Variants in OR6N1 observed in about 807,000 individuals in gnomAD.
The protein encoded by OR6N1 is olfactory receptor 6N1.
For missense variants in OR6N1, 394 were observed against 371.7 expected (o/e 1.06, Z -0.49); for synonymous variants, 170 against 150.7 (o/e 1.13, Z -0.94).
chr1:158,767,728 C>A (rs867932163), intron 1 of OR6N1, among the ~76,000 whole-genome samples: 1 of 152,136 alleles, frequency 6.6e-6, no homozygotes. Context: ...GCCTTAAATT[C>A]TTTCTCTTTA....
chr1:158,798,860 A>C, the OR6N1 span, among the ~76,000 whole-genome samples: 1 of 152,174 alleles, frequency 6.6e-6, no homozygotes, highest in Non-Finnish European at 1.5e-5. Flanking sequence ...CAGCATGGAA[A>C]GCCACAGACC....
chr1:158,778,968 G>C, the OR6N1 span, among the ~76,000 whole-genome samples: 1 of 134,756 alleles, frequency 7.4e-6, no homozygotes, highest in Non-Finnish European at 1.5e-5. Flanking sequence ...GCAGTGAGCC[G>C]AGATCGCGCC....
the OR6N1 span, among the ~76,000 whole-genome samples, chr1:158,838,489 T>C: frequency 2.6e-5 from 4 of 152,094 alleles, no homozygotes; most frequent in African/African-American, 9.7e-5. Context: ...GAGTTGCCTT[T>C]TTCTTGCGCT....
chr1:158,776,599 C>A, upstream of OR6N1: 1 of 717,180 alleles, frequency 1.4e-6, no homozygotes. Context: ...AAATGAAATT[C>A]AGAGCATGTG....
chr1:158,789,355 A>T, the OR6N1 span, among the ~76,000 whole-genome samples: 1 of 152,150 alleles, frequency 6.6e-6, no homozygotes, highest in Non-Finnish European at 1.5e-5. Flanking sequence ...GAATATATAC[A>T]CAGTAGTGGG....
the OR6N1 span, among the ~76,000 whole-genome samples, chr1:158,802,583 T>A: frequency 1.3e-5 from 2 of 152,086 alleles, no homozygotes; most frequent in Admixed American, 1.3e-4. Context: ...AGATTTCTCA[T>A]CCATCCCTAC....
the OR6N1 span, among the ~76,000 whole-genome samples, chr1:158,784,965 C>T: frequency 1.3e-5 from 2 of 152,110 alleles, no homozygotes; most frequent in Non-Finnish European, 2.9e-5. Context: ...TCACAATAGC[C>T]ATGATATAGA....
chr1:158,818,758 C>T, the OR6N1 span, among the ~76,000 whole-genome samples: 1 of 152,166 alleles, frequency 6.6e-6, no homozygotes, highest in Non-Finnish European at 1.5e-5. Flanking sequence ...TTGAACTTCC[C>T]TATCCTTACC....
chr1:158,789,162 G>A, the OR6N1 span, among the ~76,000 whole-genome samples: 1 of 152,082 alleles, frequency 6.6e-6, no homozygotes, highest in South Asian at 2.1e-4. Context: ...CCATGTTGCT[G>A]CAAATGACAA....
chr1:158,789,119 T>C, the OR6N1 span, among the ~76,000 whole-genome samples: 3 of 152,198 alleles, frequency 2.0e-5, no homozygotes, highest in African/African-American at 7.2e-5. Flanking sequence ...ATGCTAGGCT[T>C]CTTTCACTTA....
chr1:158,825,332 G>T, the OR6N1 span, among the ~76,000 whole-genome samples: 1 of 151,906 alleles, frequency 6.6e-6, no homozygotes, highest in Non-Finnish European at 1.5e-5. Flanking sequence ...CCAGCTACTC[G>T]GGAGGCTGAG....
the OR6N1 span, among the ~76,000 whole-genome samples, chr1:158,780,277 C>A: frequency 6.6e-6 from 1 of 152,190 alleles, no homozygotes; most frequent in African/African-American, 2.4e-5. Flanking sequence ...GTTAGCTTTT[C>A]TGAAGCCAAC....
At chr1:158,802,159 T>A in the OR6N1 span, among the ~76,000 whole-genome samples, 1 of 150,832 alleles carries the variant, frequency 6.6e-6, no homozygotes, top group Non-Finnish European at 1.5e-5. Context: ...GGACACTGCC[T>A]CTTCTGGGAC....
At chr1:158,773,760 C>T (rs1275541675), upstream of OR6N1, among the ~76,000 whole-genome samples, 1 of 152,088 alleles carries the variant, frequency 6.6e-6, no homozygotes, top group South Asian at 2.1e-4. Flanking sequence ...CCTAGCACCT[C>T]TTTAAGTGCC....
chr1:158,775,733 A>C (rs1657575425), upstream of OR6N1: 1 of 151,390 alleles, frequency 6.6e-6, no homozygotes. Flanking sequence ...ATTTAAGAAT[A>C]TATTTTGTGA....
At chr1:158,784,646 T>G in the OR6N1 span, among the ~76,000 whole-genome samples, 1 of 152,212 alleles carries the variant, frequency 6.6e-6, no homozygotes, top group Admixed American at 6.5e-5. Context: ...TTCTTTAGAT[T>G]TCACATACGA....
chr1:158,801,584 T>G, the OR6N1 span, among the ~76,000 whole-genome samples: 1 of 152,310 alleles, frequency 6.6e-6, no homozygotes, highest in East Asian at 1.9e-4. Flanking sequence ...CTTTGTAAAC[T>G]TGTTTTGCCA....
chr1:158,771,339 T>C lies in OR6N1; in HGVS notation c.-19+682A>G, dbSNP rs1162344166. Among the ~76,000 whole-genome samples the C allele has an allele frequency of 2.6e-5, 4 of 152,188 alleles. No individual in the cohort carries two copies. In the East Asian group the frequency reaches 5.8e-4, roughly 22 times the overall value. On this transcript the variant is annotated intron_variant, in intron 1 of 1. Transcript: ENST00000641846. ...AAATTAATGAGGAAACTTCATACCATGTCCTACCTCCTAGAGTACTTAGCA... is the reference window on the plus strand; with the variant it reads ...AAATTAATGAGGAAACTTCATACCACGTCCTACCTCCTAGAGTACTTAGCA...
At chr1:158,804,479 G>A in the OR6N1 span, among the ~76,000 whole-genome samples, 3 of 152,172 alleles carry the variant, frequency 2.0e-5, no homozygotes, top group African/African-American at 7.2e-5. Context: ...TTCATTATTT[G>A]AGGAGAAAGG....
Sources: allele counts gnomAD v4.1 joint callset (sites outside exome capture counted in the v4.1 genomes callset), GRCh38; gene constraint gnomAD v4.1.1; transcripts MANE v1.5; gene names NCBI Gene and HGNC (gene_info 2026-07-23, HGNC 2026-07-21).